Variants in TMC1 observed in about 807,000 individuals in gnomAD.
TMC1 encodes transmembrane channel-like protein 1.
A neutral mutation model predicts 105.8 loss-of-function variants in TMC1; 84 were observed. The ratio of observed to expected loss-of-function variants is 0.79; its 90% CI spans 0.67 to 0.95. TMC1 has a LOEUF of 0.95. Ranked by LOEUF, TMC1 falls within the 40% of genes least tolerant of loss-of-function variation. The pLI is 0.00. For missense variants in TMC1, 817 were observed against 914.1 expected, an observed-to-expected ratio of 0.89 and a Z score of 1.37; for synonymous variants, 315 against 311.5, an observed-to-expected ratio of 1.01 and a Z score of -0.12.
chr9:72,736,940 A>G (rs1310697625), intron 8 of TMC1, among the ~76,000 whole-genome samples: 1 of 152,260 alleles, frequency 6.6e-6, no homozygotes, highest in African/African-American at 2.4e-5. Flanking sequence ...TATTTTACAC[A>G]TGTTAATGGT....
rs571689132 is a variant in TMC1 at position 72,709,001 on chromosome 9, T to C, written c.362+8358T>C. 3.1e-4 allele frequency among the ~76,000 whole-genome samples: 27 copies of C among 88,496 alleles called. No individual in the cohort carries two copies. The South Asian group carries it at 0.013, about 41-fold the overall frequency. The allele number at this position is 88,496 out of a possible 152,430, so 58.1% of individuals were successfully genotyped here. On this transcript the variant is annotated intron_variant, in intron 8 of 23. Transcript: ENST00000297784. ...TTGTCAAATGCTTTTTCTGTGTCTA[T>C]TTTTTTTTCGGGGGGGTGGGTGTTT...
Position 72,830,519 on chromosome 9 carries a change from AG to A in TMC1, c.2199del (p.Met734Ter). Reference sequence around the variant, plus strand: ...GCAGCGAATCTGGATCTCAAAAAGAAGATGAAAATGGTATGATACAATTTAT... The same window carrying A: ...GCAGCGAATCTGGATCTCAAAAAGAAATGAAAATGGTATGATACAATTTAT... ...QKAANLDLKK[K>X]MKMQALENKM... On this transcript the variant is annotated frameshift_variant, in exon 22 of 24. Coordinates refer to ENST00000297784, the MANE Select transcript of TMC1 (RefSeq NM_138691.3). LOFTEE classifies it high-confidence loss of function. 3 of 1,613,334 alleles carry A rather than the reference AG, an allele frequency of 1.9e-6. No homozygotes were observed. Among genetic ancestry groups the A allele is most frequent in the Non-Finnish European group, 2.5e-6 (3 of 1,179,394 alleles).
chr9:72,809,634 A>G (rs1002511677), intron 18 of TMC1, among the ~76,000 whole-genome samples: 1 of 152,190 alleles, frequency 6.6e-6, no homozygotes, highest in Non-Finnish European at 1.5e-5. Context: ...AGATTCAGCT[A>G]ATGGATATTT....
chr9:72,730,807 C>A (rs1481674007), intron 8 of TMC1, among the ~76,000 whole-genome samples: 1 of 152,182 alleles, frequency 6.6e-6, no homozygotes, highest in Non-Finnish European at 1.5e-5. Flanking sequence ...AGTGACAGAT[C>A]ATCAGGAATT....
intron 17 of TMC1, among the ~76,000 whole-genome samples, chr9:72,792,856 C>A (rs964625646): frequency 6.6e-6 from 1 of 152,138 alleles, no homozygotes; most frequent in South Asian, 2.1e-4. Context: ...CCGAAACATC[C>A]AGGTACATGC....
chr9:72,730,810 C>T (rs748555298), intron 8 of TMC1, among the ~76,000 whole-genome samples: 2 of 152,202 alleles, frequency 1.3e-5, no homozygotes, highest in African/African-American at 2.4e-5. Context: ...GACAGATCAT[C>T]AGGAATTAGA....
At chr9:72,648,727 T>C (rs896006531) in intron 5 of TMC1, 63 bp downstream of exon 5, 2 of 1,456,930 alleles carry the variant, frequency 1.4e-6, no homozygotes, top group Non-Finnish European at 9.6e-7. Flanking sequence ...TAAAGGTATT[T>C]GAAAACTTTG....
At chr9:72,773,324 T>C (rs942538967) in intron 13 of TMC1, among the ~76,000 whole-genome samples, 11 of 152,138 alleles carry the variant, frequency 7.2e-5, no homozygotes, top group South Asian at 4.1e-4. Flanking sequence ...TATGTGCAAG[T>C]TGAATGAGCT....
chr9:72,824,111 G>A (rs1588102690), intron 20 of TMC1, among the ~76,000 whole-genome samples: 1 of 152,368 alleles, frequency 6.6e-6, no homozygotes, highest in Admixed American at 6.5e-5. Flanking sequence ...GCGGGATCTG[G>A]CGAGACACAC....
At chr9:72,752,522 CA>C (rs1827596460) in intron 11 of TMC1, among the ~76,000 whole-genome samples, 1 of 151,740 alleles carries the variant, frequency 6.6e-6, no homozygotes, top group South Asian at 2.1e-4. Flanking sequence ...GGTCCAAAGT[CA>C]GAAACTAAAA....
At chr9:72,587,161 T>C (rs1364999151) in intron 2 of TMC1, among the ~76,000 whole-genome samples, 1 of 47,466 alleles carries the variant, frequency 2.1e-5, no homozygotes, top group Non-Finnish European at 3.5e-5. Context: ...AACAGATAAC[T>C]TTTTTTTTTT....
In TMC1 at chr9:72,683,574, TTCTC is replaced by T. The variant is rs557007042; in HGVS notation, c.17-5131_17-5128del. 4.0e-5 allele frequency among the ~76,000 whole-genome samples: 6 copies of T among 150,980 alleles called. No individual in the cohort carries two copies. In the South Asian group the frequency reaches 1.3e-3, roughly 32 times the overall value. On this transcript the variant is annotated intron_variant, in intron 5 of 23. Coordinates refer to ENST00000297784, the MANE Select transcript of TMC1 (RefSeq NM_138691.3). Reference sequence around the variant, plus strand: ...TAGTTTCACTGGTCTGTCCTCCCTTTTCTCTCTTTTTTTCCCCCTTGAGAAGAGA... The same window carrying T: ...TAGTTTCACTGGTCTGTCCTCCCTTTTCTTTTTTTCCCCCTTGAGAAGAGA...
intron 2 of TMC1, among the ~76,000 whole-genome samples, chr9:72,606,499 T>C (rs1361683900): frequency 6.6e-6 from 1 of 152,186 alleles, no homozygotes; most frequent in Non-Finnish European, 1.5e-5. Flanking sequence ...TGAGGCTGGC[T>C]ATGGTAATTA....
chr9:72,721,867 G>T (rs893424950), intron 8 of TMC1, among the ~76,000 whole-genome samples: 10 of 152,140 alleles, frequency 6.6e-5, no homozygotes, highest in Non-Finnish European at 1.5e-5. Context: ...CTATAGTCAT[G>T]GAGTTCTTTT....
chr9:72,647,182 G>T (rs990040941), intron 4 of TMC1, among the ~76,000 whole-genome samples: 18 of 149,710 alleles, frequency 1.2e-4, no homozygotes, highest in Non-Finnish European at 2.5e-4. Flanking sequence ...AAAATGCTCT[G>T]TCAGTGGCAA....
At chr9:72,676,440 G>T (rs991483107) in intron 5 of TMC1, among the ~76,000 whole-genome samples, 1 of 152,106 alleles carries the variant, frequency 6.6e-6, no homozygotes, top group Non-Finnish European at 1.5e-5. Context: ...CCTTTGTTCT[G>T]TACCAGGCAC....
rs562374634 is a variant in TMC1 at position 72,694,620 on chromosome 9, G to A, written c.142G>A (p.Val48Ile). ...LRPKRKRTRD[V>I]INEDDPEPEP... ...ACCAAAGAGGAAACGGACCAGAGAT[G>A]TTATCAATGAGGATGACCCAGAACC... The change falls in exon 7 of 24, where the codon GTT (valine) becomes ATT (isoleucine). Residue 48 changes from valine to isoleucine, a missense_variant. Physicochemically the swap from Val to Ile is conservative, Grantham distance 29 (BLOSUM62 3). Coordinates refer to ENST00000297784, the MANE Select transcript of TMC1 (RefSeq NM_138691.3). 5.0e-6 allele frequency: 8 copies of A among 1,613,068 alleles called. No homozygotes were observed. Among genetic ancestry groups the A allele is most frequent in the Non-Finnish European group, 8.5e-7 (1 of 1,179,492 alleles).
At chr9:72,719,381 C>A (rs1221615902) in intron 8 of TMC1, among the ~76,000 whole-genome samples, 1 of 152,132 alleles carries the variant, frequency 6.6e-6, no homozygotes, top group East Asian at 1.9e-4. Context: ...CTTCTTCTAC[C>A]CTTGTGTTTC....
chr9:72,742,643 C>G, intron 10 of TMC1, 118 bp downstream of exon 10: 1 of 754,624 alleles, frequency 1.3e-6, no homozygotes, highest in Non-Finnish European at 2.1e-6. Context: ...AACAAACAAA[C>G]AAACAAAAAC....
Sources: gnomAD v4.1 joint callset for allele counts (sites outside exome capture counted in the v4.1 genomes callset) on GRCh38, gnomAD v4.1.1 for gene constraint, MANE v1.5 for transcripts, NCBI Gene and HGNC (gene_info 2026-07-23, HGNC 2026-07-21) for gene names.